The following BRD9 variants were observed in gnomAD, a reference collection of about 807,000 sequenced individuals.
BRD9 encodes the protein bromodomain-containing protein 9.
A neutral mutation model predicts 68.7 loss-of-function variants in BRD9; 47 were observed. The ratio of observed to expected loss-of-function variants is 0.68; its 90% confidence interval spans 0.54 to 0.87. The LOEUF (loss-of-function observed/expected upper bound fraction) is 0.87. Ranked by LOEUF, BRD9 falls within the 40% of genes least tolerant of loss-of-function variation. BRD9 has a pLI of 0.00. For missense variants in BRD9, 670 were observed against 748.4 expected (o/e 0.90, Z 1.22); for synonymous variants, 313 against 293.9 (o/e 1.06, Z -0.67).
chr5:877,131 CACAGTCCACTGATGTGCCACATGGACA>C (rs1751068109), intron 11 of BRD9, among the ~76,000 whole-genome samples: 1 of 152,192 alleles, frequency 6.6e-6, no homozygotes, highest in African/African-American at 2.4e-5. Context: ...GGGGGGTGTG[CACAGTCCACTGATGTGCCACATGGACA>C]ACAGGTGACT....
intron 8 of BRD9, 129 bp from the exon 9 acceptor site, chr5:881,311 C>T (rs1359949677): frequency 3.6e-6 from 3 of 840,276 alleles, no homozygotes; most frequent in African/African-American, 1.7e-5. Flanking sequence ...GCCAGAGGGC[C>T]CCTCACGGCA....
In BRD9 at chr5:870,494, T is replaced by C; in HGVS notation, c.1504A>G (p.Ile502Val). 6.2e-7 allele frequency: 1 copy of C among 1,614,014 alleles called. No individual in the cohort carries two copies. Among genetic ancestry groups the C allele is most frequent in the South Asian group, 1.1e-5 (1 of 91,086 alleles). ...MKSYPDVSVD[I>V]SMLSSLGKVK... Reference sequence around the variant, plus strand: ...TCACCCAGAGAGCTGAGCATGGAGATATCCACAGAAACGTCGGGATAGGAC... The same window carrying C: ...TCACCCAGAGAGCTGAGCATGGAGACATCCACAGAAACGTCGGGATAGGAC... The change falls in exon 14 of 16, where the codon ATC (isoleucine) becomes GTC (valine). Residue 502 changes from isoleucine (I) to valine (V), a missense_variant. Physicochemically the swap from Ile to Val is conservative, Grantham distance 29. Around this residue, in one of 5 missense-constraint regions of BRD9, gnomAD observed 280 missense variants for 281.5 expected, o/e 0.99. Coordinates refer to ENST00000467963, the MANE Select transcript of BRD9 (RefSeq NM_023924.5).
At position 892,079 on chromosome 5, in the gene BRD9, G is replaced by A. The variant is rs994286114; in HGVS notation, c.53-225C>T. On this transcript the variant is annotated intron_variant, in intron 1 of 15. Coordinates refer to ENST00000467963, the MANE Select transcript of BRD9 (RefSeq NM_023924.5). ...CTTCAGGTCCCTTTCGAGCCACGGT[G>A]TCCTCACCAGAGGCCCTGTGGGATG... 25 of 642,550 alleles carry A rather than the reference G, an allele frequency of 3.9e-5. No individual in the cohort carries two copies. The Admixed American group carries it at 7.3e-4, about 19-fold the overall frequency. The allele number at this position is 642,550 out of a possible 1,614,324, so 39.8% of individuals were successfully genotyped here.
chr5:887,040 A>G (rs1463026505), intron 6 of BRD9: 2 of 510,066 alleles, frequency 3.9e-6, no homozygotes, highest in Non-Finnish European at 7.1e-6. Context: ...AAGGAAGACA[A>G]GGATGTCCCG....
chr5:875,998 C>G, intron 12 of BRD9, 103 bp downstream of exon 12: 1 of 759,480 alleles, frequency 1.3e-6, no homozygotes, highest in Non-Finnish European at 2.2e-6. Context: ...AGAGTCCCTG[C>G]GACAGCTCCT....
intron 8 of BRD9, 35 bp downstream of exon 8, chr5:883,903 C>T (rs367917999): frequency 1.7e-5 from 27 of 1,600,292 alleles, no homozygotes; most frequent in African/African-American, 5.3e-5. Flanking sequence ...TCTGGGGCCA[C>T]GTGGCACCCT....
intron 5 of BRD9, chr5:888,367 C>T (rs1297116124): frequency 6.6e-6 from 1 of 152,394 alleles, no homozygotes; most frequent in Non-Finnish European, 1.5e-5. Context: ...TCCCACTCTC[C>T]TTTAAGTCTG....
Position 881,100 on chromosome 5 carries a change from C to T in BRD9, c.1042+7G>A, listed in dbSNP as rs373600367. 6.2e-7 allele frequency: 1 copy of T among 1,613,892 alleles called. No homozygotes were observed. Among genetic ancestry groups the T allele is most frequent in the Non-Finnish European group, 8.5e-7 (1 of 1,179,962 alleles). ...GAGCATAAAGCCAGCCCTGAGCGGG[C>T]ACCCACCATCAGCGTCCGGCTCGGC... On this transcript the variant is annotated splice_region_variant and intron_variant, in intron 9 of 15. Transcript: ENST00000467963.
At chr5:873,898 C>G (rs1364187660) in intron 12 of BRD9, among the ~76,000 whole-genome samples, 1 of 152,326 alleles carries the variant, frequency 6.6e-6, no homozygotes, top group African/African-American at 2.4e-5. Flanking sequence ...AAAGACAGGG[C>G]TCCCCGAAGG....
chr5:892,602 T>C lies in BRD9; in HGVS notation c.52+4A>G. 6 of 1,535,828 alleles carry C rather than the reference T, an allele frequency of 3.9e-6. No individual in the cohort carries two copies. The highest frequency in any genetic ancestry group is 5.3e-6 in the Non-Finnish European group (6 of 1,140,592). On this transcript the variant is annotated splice_donor_region_variant and intron_variant, in intron 1 of 15. Transcript: ENST00000467963. ...CCGCGCGTCACAAAGCGCCGCCGCCTCACCCTCGTAGGACGAGCGCCACTC... is the reference window on the plus strand; with the variant it reads ...CCGCGCGTCACAAAGCGCCGCCGCCCCACCCTCGTAGGACGAGCGCCACTC...
intron 1 of BRD9, chr5:892,352 TC>T: frequency 2.5e-6 from 2 of 813,370 alleles, no homozygotes; most frequent in Non-Finnish European, 3.6e-6. Flanking sequence ...TTCCCTAGTC[TC>T]CAGGACCGGG....
At chr5:865,969 C>G (rs1749326878) in intron 14 of BRD9, 1 of 172,966 alleles carries the variant, frequency 5.8e-6, no homozygotes, top group African/African-American at 2.4e-5. Flanking sequence ...GCCGGCAGAC[C>G]CTGGTACCCG....
At chr5:875,088 T>A (rs1459150822) in intron 12 of BRD9, among the ~76,000 whole-genome samples, 2 of 152,140 alleles carry the variant, frequency 1.3e-5, no homozygotes, top group Admixed American at 6.5e-5. Context: ...AAATCACTGA[T>A]AAAGAAAGAT....
intron 12 of BRD9, among the ~76,000 whole-genome samples, chr5:872,161 T>C (rs940146195): frequency 6.6e-6 from 1 of 152,230 alleles, no homozygotes; most frequent in Non-Finnish European, 1.5e-5. Context: ...GGCACACCCG[T>C]CCTGTGCTCC....
At position 891,087 on chromosome 5, in the gene BRD9, G is replaced by A. The variant is rs1294139942; in HGVS notation, c.400+68C>T. ...GCTTCTCCCCAAAGCAACAGGACAC[G>A]GTGCCGACCCCTCATTTACAACGAT... On this transcript the variant is annotated intron_variant, in intron 3 of 15. Coordinates refer to ENST00000467963, the MANE Select transcript of BRD9 (RefSeq NM_023924.5). The A allele has an allele frequency of 2.7e-6, 4 of 1,469,412 alleles. No homozygotes were observed. In the East Asian group the frequency reaches 7.6e-5, roughly 28 times the overall value. The allele number at this position is 1,469,412 out of a possible 1,614,324, so 91.0% of individuals were successfully genotyped here.
intron 15 of BRD9, among the ~76,000 whole-genome samples, chr5:865,105 T>C (rs1386721138): frequency 6.6e-6 from 1 of 152,120 alleles, no homozygotes; most frequent in Non-Finnish European, 1.5e-5. Flanking sequence ...AAGGAAGCCA[T>C]GCTCTCTCCC....
At chr5:887,313 G>T (rs80179458) in intron 6 of BRD9, 48 bp downstream of exon 6, 1 of 1,494,916 alleles carries the variant, frequency 6.7e-7, no homozygotes, top group Non-Finnish European at 9.3e-7. Context: ...GCGACGGGGG[G>T]CAGAGCCCCT....
chr5:888,089 CCTAA>C (rs1190821361), intron 5 of BRD9: 3 of 156,164 alleles, frequency 1.9e-5, no homozygotes, highest in Non-Finnish European at 2.8e-5. Context: ...GGCCGGCCAC[CCTAA>C]CTGAGAACGT....
At chr5:868,000 G>T (rs572285363) in intron 14 of BRD9, among the ~76,000 whole-genome samples, 6 of 152,200 alleles carry the variant, frequency 3.9e-5, no homozygotes, top group Non-Finnish European at 7.3e-5. Flanking sequence ...ATGTTGAATT[G>T]TAATTCCCAA....
Sources: allele counts gnomAD v4.1 joint callset (sites outside exome capture counted in the v4.1 genomes callset), GRCh38; gene constraint gnomAD v4.1.1; regional missense constraint gnomAD v4.1.1; transcripts MANE v1.5; gene names NCBI Gene and HGNC (gene_info 2026-07-23, HGNC 2026-07-21).